Variants in AGAP2 observed in about 807,000 individuals in gnomAD.
AGAP2 encodes arf-GAP with GTPase, ANK repeat and PH domain-containing protein 2.
AGAP2 carries 32 observed loss-of-function variants against 110.9 expected under a neutral mutation model. That is an observed-to-expected ratio of 0.29 (90% CI 0.22 to 0.39). The LOEUF (loss-of-function observed/expected upper bound fraction) is 0.39, where lower values mean the gene tolerates loss of function less well. AGAP2 is among the 10% of genes least tolerant of loss of function. The pLI, the probability that AGAP2 is intolerant of heterozygous loss-of-function variation, is 1.00. For missense variants in AGAP2, 1,285 were observed against 1,638.5 expected (o/e 0.78, Z 3.72); for synonymous variants, 702 against 713.0 (o/e 0.98, Z 0.25).
intron 9 of AGAP2, 21 bp from the exon 10 acceptor site, chr12:57,731,491 CAT>C (rs772681820): frequency 8.1e-6 from 13 of 1,613,904 alleles, no homozygotes; most frequent in South Asian, 7.7e-5. Context: ...GGGAAAGACA[CAT>C]GTGGGAAAAA....
chr12:57,736,636 G>T (rs1390771326), intron 1 of AGAP2, among the ~76,000 whole-genome samples: 1 of 152,246 alleles, frequency 6.6e-6, no homozygotes, highest in Non-Finnish European at 1.5e-5. Flanking sequence ...GCGAGAAGCT[G>T]CCTGCAAGGT....
intron 3 of AGAP2, 43 bp downstream of exon 3, chr12:57,734,549 C>A (rs760885931): frequency 8.0e-5 from 128 of 1,607,082 alleles, no homozygotes; most frequent in Non-Finnish European, 1.0e-4. Flanking sequence ...CTCCTGGATC[C>A]CTGACCCCAA....
At chr12:57,734,482 C>T in intron 3 of AGAP2, 78 bp from the exon 4 acceptor site, 2 of 1,587,396 alleles carry the variant, frequency 1.3e-6, no homozygotes, top group Admixed American at 1.7e-5. Context: ...AGTGCTTTTG[C>T]TATTATGGCC....
At position 57,731,854 on chromosome 12, in the gene AGAP2, T is replaced by C. The variant is rs756029914; in HGVS notation, c.1908A>G (p.Pro636=). 1 of 1,603,800 alleles carries C rather than the reference T, an allele frequency of 6.2e-7. No individual in the cohort carries two copies. Among genetic ancestry groups the C allele is most frequent in the South Asian group, 1.1e-5 (1 of 89,278 alleles). Residue 636 remains proline, a synonymous_variant, in exon 8 of 19, where the codon CCA becomes CCG. Transcript: ENST00000547588. ...EAAAVAGLST[P]GSLHRAAKRR... ...GCTTGGCTGCCCGGTGCAGGGACCC[T>C]GGGGTGCTCAATCCAGCCACTGCAG... is the stretch of plus-strand genomic sequence containing the variant.
intron 5 of AGAP2, 117 bp downstream of exon 5, chr12:57,733,909 A>G: frequency 7.6e-6 from 9 of 1,189,382 alleles, no homozygotes; most frequent in Non-Finnish European, 1.0e-5. Flanking sequence ...CCAGAAGGGT[A>G]CTATAATCCA....
chr12:57,727,307 C>G (rs762051840), intron 17 of AGAP2, 53 bp downstream of exon 17: 12 of 1,607,360 alleles, frequency 7.5e-6, no homozygotes, highest in African/African-American at 4.0e-5. Context: ...GGGACCGTCT[C>G]AGGTTCGCAC....
At position 57,737,306 on chromosome 12, in the gene AGAP2, C is replaced by T; in HGVS notation, c.941G>A (p.Gly314Glu). The T allele has an allele frequency of 6.2e-7, 1 of 1,613,718 alleles. No individual in the cohort carries two copies. Residue 314 changes from glycine (G) to glutamate (E), a missense_variant, in exon 1 of 19, where the codon GGG (glycine) becomes GAG (glutamate). Transcript: ENST00000547588. The surrounding 1 kb of genome is among the most constrained non-coding windows in gnomAD (Gnocchi z 5.9). ...AVTAASAQPP[G>E]PAPPITLEPP... ...CTCCAGAGTGATTGGAGGTGCAGGC[C>T]CGGGGGGCTGCGCGGAAGCAGCGGT...
chr12:57,726,886 T>C lies in AGAP2; in HGVS notation c.3336+88A>G. On this transcript the variant is annotated intron_variant, in intron 18 of 18. Coordinates refer to ENST00000547588, the MANE Select transcript of AGAP2 (RefSeq NM_001122772.3). The surrounding 1 kb of genome is among the most constrained non-coding windows in gnomAD (Gnocchi z 5.7). ...CACATGGCCAAGCCTACTTCCGGGGTCCCTCTGGGAATTTCGGGCTTTCCC... is the reference window on the plus strand; with the variant it reads ...CACATGGCCAAGCCTACTTCCGGGGCCCCTCTGGGAATTTCGGGCTTTCCC... 5.5e-6 allele frequency: 8 copies of C among 1,462,872 alleles called. No homozygotes were observed. The highest frequency in any genetic ancestry group is 7.2e-6 in the Non-Finnish European group (8 of 1,112,962). The allele number at this position is 1,462,872 out of a possible 1,614,324, so 90.6% of individuals were successfully genotyped here. A position where few individuals can be genotyped will look rare whatever the true frequency, so the allele number is the denominator to read the frequency against.
At position 57,732,877 on chromosome 12, in the gene AGAP2, T is replaced by C; in HGVS notation, c.1652A>G (p.Tyr551Cys). The change falls in exon 6 of 19, where the codon TAT (tyrosine) becomes TGT (cysteine). Residue 551 changes from tyrosine (Y) to cysteine (C), a missense_variant. Physicochemically the swap from Tyr to Cys is radical, Grantham distance 194 (BLOSUM62 -2). This residue lies in a region of AGAP2 where 844 missense variants were observed against 941.2 expected (regional missense o/e 0.90). Transcript: ENST00000547588. ...RCSYYETCATYGLNVDRVFQE... is the reference protein window; with the variant it reads ...RCSYYETCATCGLNVDRVFQE... ...GAAGACCCGATCCACATTGAGCCCA[T>C]AGGTTGCACAAGTCTCATAGTAGCT... The C allele has an allele frequency of 6.2e-7, 1 of 1,613,874 alleles. No homozygotes were observed. The highest frequency in any genetic ancestry group is 8.5e-7 in the Non-Finnish European group (1 of 1,179,992).
Position 57,727,009 on chromosome 12 carries a change from G to A in AGAP2, c.3301C>T (p.Leu1101Phe). ...AGTTGCGTGATGACGACGTGGGCGA[G>A]CTCGGCCGCCAGGTGGAGTGGGGAG... ...LRSPLHLAAE[L>F]AHVVITQLLL... Residue 1101 changes from leucine to phenylalanine, a missense_variant, in exon 18 of 19, where the codon CTC becomes TTC. Leu to Phe is a conservative substitution (Grantham distance 22, BLOSUM62 0). Coordinates refer to ENST00000547588, the MANE Select transcript of AGAP2 (RefSeq NM_001122772.3). 1.2e-6 allele frequency: 2 copies of A among 1,606,178 alleles called. No homozygotes were observed. The highest frequency in any genetic ancestry group is 1.7e-6 in the Non-Finnish European group (2 of 1,176,874).
intron 13 of AGAP2, among the ~76,000 whole-genome samples, chr12:57,729,384 G>C (rs1221142493): frequency 6.6e-6 from 1 of 151,828 alleles, no homozygotes; most frequent in African/African-American, 2.4e-5. Flanking sequence ...AACGTCATTA[G>C]GAGAGGGAGC....
rs80333438 is a variant in AGAP2 at position 57,737,230 on chromosome 12, A to C, written c.1017T>G (p.Thr339=). ...KRGREGGRAS[T]RDRKMLKFIS... The stretch of plus-strand genomic sequence containing the variant: ...TAAACTTGAGCATCTTGCGGTCACG[A>C]GTGGATGCTCGGCCCCCCTCCCGGC... The change falls in exon 1 of 19, where the codon ACT becomes ACG. Residue 339 remains threonine, a synonymous_variant. Transcript: ENST00000547588. The surrounding 1 kb of genome is among the most constrained non-coding windows in gnomAD (Gnocchi z 5.9). The C allele has an allele frequency of 2.5e-6, 4 of 1,611,166 alleles. No homozygotes were observed. Among genetic ancestry groups the C allele is most frequent in the Non-Finnish European group, 2.5e-6 (3 of 1,178,958 alleles).
rs984063768 is a variant in AGAP2, at chr12:57,731,891, C to T, written c.1871G>A (p.Arg624Gln). 35 of 1,612,026 alleles carry T rather than the reference C, an allele frequency of 2.2e-5. 1 individual carries two copies. In the Admixed American group the frequency reaches 3.9e-4, roughly 18 times the overall value. Residue 624 changes from arginine to glutamine, a missense_variant, in exon 8 of 19, where the codon CGA (arginine) becomes CAA (glutamine). Coordinates refer to ENST00000547588, the MANE Select transcript of AGAP2 (RefSeq NM_001122772.3). ...TCCAGCCACTGCAGCTGCCTCGGCT[C>T]GGAGCTCCCGGTGACCAACATTCGG... ...SSPNVGHREL[R>Q]AEAAAVAGLS...
chr12:57,730,731 A>G, intron 11 of AGAP2, 60 bp downstream of exon 11: 2 of 1,609,866 alleles, frequency 1.2e-6, no homozygotes. Flanking sequence ...CTTCCCTCTT[A>G]CCCCTCTTTT....
intron 17 of AGAP2, 28 bp downstream of exon 17, chr12:57,727,332 T>C (rs1266693297): frequency 6.2e-7 from 1 of 1,602,902 alleles, no homozygotes. Context: ...TCAGCAACCC[T>C]CCCCCCGCTC....
At position 57,732,370 on chromosome 12, in the gene AGAP2, G is replaced by A. The variant is rs375742068; in HGVS notation, c.1794+33C>T. 4.5e-4 allele frequency: 701 copies of A among 1,544,376 alleles called. 1 individual carries two copies. The highest frequency in any genetic ancestry group is 1.2e-3 in the Middle Eastern group (7 of 5,970). On this transcript the variant is annotated intron_variant, in intron 7 of 18. Coordinates refer to ENST00000547588, the MANE Select transcript of AGAP2 (RefSeq NM_001122772.3). ...ATCCCCAGCCCCTCTGCATCTTACC[G>A]GCCCCTCTGCAGACTCTGAAACCCC...
rs758439738 is a variant in AGAP2, at chr12:57,726,942, A to T, written c.3336+32T>A. On this transcript the variant is annotated intron_variant, in intron 18 of 18. Coordinates refer to ENST00000547588, the MANE Select transcript of AGAP2 (RefSeq NM_001122772.3). This position sits in a 1 kb window ranked among gnomAD's most constrained non-coding sequence, Gnocchi z 5.7. Reference sequence around the variant, plus strand: ...AGGCGTTTTCCGAGATGAAGCCTCAAAGACCCCCTTTCCTCCCCCCAGCTC... The same window carrying T: ...AGGCGTTTTCCGAGATGAAGCCTCATAGACCCCCTTTCCTCCCCCCAGCTC... The T allele has an allele frequency of 6.0e-6, 9 of 1,510,556 alleles. No homozygotes were observed. Among genetic ancestry groups the T allele is most frequent in the Non-Finnish European group, 7.1e-6 (8 of 1,134,222 alleles). 93.6% of individuals were successfully genotyped at this position (1,510,556 alleles called of 1,614,324 possible).
chr12:57,734,708 G>T, intron 2 of AGAP2, 29 bp from the exon 3 acceptor site: 1 of 1,609,632 alleles, frequency 6.2e-7, no homozygotes, highest in Non-Finnish European at 8.5e-7. Context: ...AGCAGAAATT[G>T]TGGGATATAA....
chr12:57,726,666 C>G lies in AGAP2; in HGVS notation c.3465G>C (p.Ala1155=). 1 of 1,208,860 alleles carries G rather than the reference C, an allele frequency of 8.3e-7. No homozygotes were observed. The highest frequency in any genetic ancestry group is 1.0e-6 in the Non-Finnish European group (1 of 972,888). The allele number at this position is 1,208,860 out of a possible 1,614,324, so 74.9% of individuals were successfully genotyped here. A position where few individuals can be genotyped will look rare whatever the true frequency, so the allele number is the denominator to read the frequency against. Residue 1155 remains alanine, a synonymous_variant, in exon 19 of 19, where the codon GCG becomes GCC. Transcript: ENST00000547588. The surrounding 1 kb of genome is among the most constrained non-coding windows in gnomAD (Gnocchi z 5.7). ...TGGTGGCCGCGCTGGGCGTGGTGGC[C>G]GCGCTGCCGCCCTCACCCGGGCAGC... ...QHGCPGEGGS[A]ATTPSAATTP... is the part of the protein sequence containing the mutation.
Sources: allele counts gnomAD v4.1 joint callset (sites outside exome capture counted in the v4.1 genomes callset), GRCh38; gene constraint gnomAD v4.1.1; regional missense constraint gnomAD v4.1.1; non-coding constraint Gnocchi (gnomAD v3.1); transcripts MANE v1.5; gene names NCBI Gene and HGNC (gene_info 2026-07-23, HGNC 2026-07-21).